Variants in TRIP12 observed in about 807,000 individuals in gnomAD.
TRIP12 encodes thyroid hormone receptor interactor 12.
A neutral mutation model predicts 244.2 loss-of-function variants in TRIP12; 25 were observed. The ratio of observed to expected loss-of-function variants is 0.10; its 90% CI spans 0.07 to 0.14. The LOEUF (loss-of-function observed/expected upper bound fraction) is 0.14. TRIP12 is among the 10% of genes least tolerant of loss of function. TRIP12 has a pLI of 1.00. For synonymous variants in TRIP12, 905 were observed against 873.1 expected, an observed-to-expected ratio of 1.04 and a Z score of -0.64; for missense variants, 1,677 against 2,486.4, an observed-to-expected ratio of 0.67 and a Z score of 6.92.
rs114343495 is a variant in TRIP12 at position 229,845,208 on chromosome 2, G to C, written c.1028-4281C>G. ...CTGGATCCAGCCAAGCCTGAAGCTA[G>C]GCATTCTCTTGGCTTTACCACCCAT... On this transcript the variant is annotated intron_variant, in intron 4 of 41. Transcript: ENST00000675903. Among the ~76,000 whole-genome samples, 476 of 152,306 alleles carry C rather than the reference G, an allele frequency of 3.1e-3. 4 individuals are homozygous for C. The highest frequency in any genetic ancestry group is 0.011 in the African/African-American group (450 of 41,554).
In TRIP12 at chr2:229,792,144, G is replaced by T. The variant is rs909631427; in HGVS notation, c.4215+9C>A. ...GTACATTATACATGGTGGGAATATA[G>T]TACCTTACCAGAGACTCATCTATTT... On this transcript the variant is annotated intron_variant, in intron 28 of 41. Coordinates refer to ENST00000675903, the MANE Select transcript of TRIP12 (RefSeq NM_001348323.3). 2 of 1,614,010 alleles carry T rather than the reference G, an allele frequency of 1.2e-6. No individual in the cohort carries two copies. The highest frequency in any genetic ancestry group is 1.3e-5 in the African/African-American group (1 of 75,008).
intron 8 of TRIP12, among the ~76,000 whole-genome samples, chr2:229,825,220 G>A (rs992663592): frequency 5.9e-5 from 9 of 152,156 alleles, no homozygotes; most frequent in African/African-American, 1.9e-4. Context: ...CTCACCATTG[G>A]AGAAAGGAGA....
At chr2:229,795,099 C>G in intron 26 of TRIP12, 80 bp downstream of exon 26, 1 of 1,512,874 alleles carries the variant, frequency 6.6e-7, no homozygotes. Context: ...AAGACTTTAC[C>G]AGACCTCTTG....
chr2:229,880,801 A>G (rs2064688442), intron 1 of TRIP12, among the ~76,000 whole-genome samples: 1 of 152,106 alleles, frequency 6.6e-6, no homozygotes, highest in Non-Finnish European at 1.5e-5. Context: ...AAAATTAGCC[A>G]GGTGTGGTGG....
intron 24 of TRIP12, among the ~76,000 whole-genome samples, chr2:229,797,478 G>C (rs2043108990): frequency 6.6e-6 from 1 of 152,200 alleles, no homozygotes. Context: ...GAAAGTCAAA[G>C]ATGAGGTTTC....
intron 1 of TRIP12, among the ~76,000 whole-genome samples, chr2:229,913,187 A>G (rs763118573): frequency 2.0e-5 from 3 of 152,204 alleles, no homozygotes; most frequent in Non-Finnish European, 4.4e-5. Context: ...CAATTTATTT[A>G]GTATAGCCAC....
At chr2:229,922,601 C>A, upstream of TRIP12, 1 of 1,613,994 alleles carries the variant, frequency 6.2e-7, no homozygotes. Flanking sequence ...ACTGGTCACC[C>A]GGTCTCAGGC....
intron 2 of TRIP12, among the ~76,000 whole-genome samples, chr2:229,867,817 T>G (rs1008629730): frequency 6.6e-6 from 1 of 152,202 alleles, no homozygotes; most frequent in Admixed American, 6.5e-5. Context: ...TGACTTTGAC[T>G]CAATTCCAAA....
chr2:229,782,608 C>T (rs970903861), intron 34 of TRIP12, among the ~76,000 whole-genome samples: 3 of 152,176 alleles, frequency 2.0e-5, no homozygotes, highest in Non-Finnish European at 4.4e-5. Context: ...CTTTCCAGTA[C>T]ACAACAACTT....
In TRIP12 at chr2:229,859,486, C is replaced by G. The variant is rs775800918; in HGVS notation, c.313G>C (p.Val105Leu). The change falls in exon 4 of 42, where the codon GTG (valine) becomes CTG (leucine). Residue 105 changes from valine to leucine, a missense_variant. Val to Leu is a conservative substitution (Grantham distance 32). Transcript: ENST00000675903. ...CCTCGAGAATTGTCTTTCTTAGGCA[C>G]CTGCCCCGTTTTTTGTCTTTCTGAA... ...NTSERQKTGQVPKKDNSRGVK... is the reference protein window; with the variant it reads ...NTSERQKTGQLPKKDNSRGVK... 4.3e-6 allele frequency: 7 copies of G among 1,614,044 alleles called. No individual in the cohort carries two copies. The Admixed American group carries it at 5.0e-5, about 12-fold the overall frequency.
At chr2:229,918,434 T>C (rs747185741) in intron 1 of TRIP12, among the ~76,000 whole-genome samples, 6 of 152,218 alleles carry the variant, frequency 3.9e-5, no homozygotes, top group Non-Finnish European at 8.8e-5. Flanking sequence ...GAAAGTTCCC[T>C]AGGTTCTGTA....
chr2:229,873,562 G>T (rs992392333), intron 2 of TRIP12, among the ~76,000 whole-genome samples: 2 of 152,170 alleles, frequency 1.3e-5, no homozygotes, highest in East Asian at 3.8e-4. Context: ...CACACAGTGT[G>T]ATCTGCCAAA....
At chr2:229,773,348 A>G (rs556451870) in intron 38 of TRIP12, among the ~76,000 whole-genome samples, 10 of 152,160 alleles carry the variant, frequency 6.6e-5, no homozygotes, top group East Asian at 1.9e-4. Flanking sequence ...TGCTGGGATT[A>G]CGGGCATGAG....
intron 33 of TRIP12, 78 bp from the exon 34 acceptor site, chr2:229,785,933 A>T: frequency 7.6e-7 from 1 of 1,313,132 alleles, no homozygotes; most frequent in Non-Finnish European, 1.0e-6. Context: ...ATTTCTTGAA[A>T]TGCAAAAGAA....
chr2:229,768,999 A>G (rs1432040476), intron 40 of TRIP12, among the ~76,000 whole-genome samples: 1 of 152,020 alleles, frequency 6.6e-6, no homozygotes, highest in African/African-American at 2.4e-5. Flanking sequence ...GTCTTCCCCA[A>G]CCCCTAGTAT....
At chr2:229,807,259 T>C (rs1427529101) in intron 17 of TRIP12, 1 of 186,664 alleles carries the variant, frequency 5.4e-6, no homozygotes, top group African/African-American at 2.4e-5. Flanking sequence ...CAAGCCTACG[T>C]GTATCACAAT....
intron 2 of TRIP12, among the ~76,000 whole-genome samples, chr2:229,866,214 T>C (rs1020291430): frequency 1.3e-5 from 2 of 152,216 alleles, no homozygotes; most frequent in African/African-American, 4.8e-5. Flanking sequence ...TTCTTACATA[T>C]TAAATTTTCC....
intron 17 of TRIP12, among the ~76,000 whole-genome samples, chr2:229,806,544 T>C (rs2045925212): frequency 6.6e-6 from 1 of 152,188 alleles, no homozygotes; most frequent in Admixed American, 6.5e-5. Flanking sequence ...GACAAGACTC[T>C]CAGCACATAT....
At chr2:229,799,081 C>A (rs772646363) in intron 22 of TRIP12, 32 bp from the exon 23 acceptor site, 17 of 1,608,626 alleles carry the variant, frequency 1.1e-5, no homozygotes, top group Non-Finnish European at 7.6e-6. Context: ...ACAGTTAAGT[C>A]ATTTTAGTTT....
Sources: gnomAD v4.1 joint callset for allele counts (sites outside exome capture counted in the v4.1 genomes callset) on GRCh38, gnomAD v4.1.1 for gene constraint, MANE v1.5 for transcripts, NCBI Gene and HGNC (gene_info 2026-07-23, HGNC 2026-07-21) for gene names.